The following LCK variants were observed in gnomAD, a reference collection of about 807,000 sequenced individuals.
LCK encodes the protein LCK proto-oncogene, Src family tyrosine kinase, also known as tyrosine-protein kinase Lck.
Under a neutral mutation model 64.6 loss-of-function variants are expected in LCK, and 14 were observed. The observed-to-expected ratio is 0.22, with a 90% CI of 0.14 to 0.34. The LOEUF (loss-of-function observed/expected upper bound fraction) is 0.34. Among genes scored for constraint, LCK ranks in the 10% least tolerant of loss-of-function variants. The pLI, the probability that LCK is intolerant of heterozygous loss-of-function variation, is 1.00. For synonymous variants in LCK, 277 were observed against 263.6 expected (o/e 1.05, Z -0.49); for missense variants, 434 against 668.1 (o/e 0.65, Z 3.86).
chr1:32,268,935 C>T (rs556509247), intron 1 of LCK, among the ~76,000 whole-genome samples: 23 of 148,650 alleles, frequency 1.5e-4, no homozygotes, highest in Admixed American at 6.7e-4. Flanking sequence ...GCCTGGCCAA[C>T]GTGGCAAAAC....
At chr1:32,285,089 G>A (rs374888350) in intron 12 of LCK, among the ~76,000 whole-genome samples, 24 of 152,096 alleles carry the variant, frequency 1.6e-4, no homozygotes, top group East Asian at 5.8e-4. Flanking sequence ...GATCACCTGA[G>A]GTCAGGAGTT....
At chr1:32,263,401 TAAAATAAATAAA>T (rs1639831416) in intron 1 of LCK, among the ~76,000 whole-genome samples, 4 of 124,480 alleles carry the variant, frequency 3.2e-5, no homozygotes, top group African/African-American at 1.3e-4. Context: ...TCAAAATAAA[TAAAATAAATAAA>T]TAAATAAATA....
chr1:32,285,802 C>T lies in LCK; in HGVS notation c.*86C>T. On this transcript the variant is annotated 3_prime_UTR_variant, in exon 13 of 13. Coordinates refer to ENST00000336890, the MANE Select transcript of LCK (RefSeq NM_005356.5). ...AGTTCTTGTGCCATAGTCACATGGC[C>T]TATGCACATATGGACTCTGCACATG... 5 of 1,375,348 alleles carry T rather than the reference C, an allele frequency of 3.6e-6. No individual in the cohort carries two copies. The highest frequency in any genetic ancestry group is 5.0e-6 in the Non-Finnish European group (5 of 993,792). The allele number at this position is 1,375,348 out of a possible 1,614,324, so 85.2% of individuals were successfully genotyped here.
chr1:32,260,014 AT>A (rs796984375), intron 1 of LCK, among the ~76,000 whole-genome samples: 1,729 of 148,798 alleles, frequency 0.012, 43 homozygotes, highest in African/African-American at 0.039. Context: ...TAAATGATTC[AT>A]TTTTTTTTAA....
At chr1:32,268,272 G>A (rs556333672) in intron 1 of LCK, among the ~76,000 whole-genome samples, 1 of 151,994 alleles carries the variant, frequency 6.6e-6, no homozygotes, top group African/African-American at 2.4e-5. Context: ...CAGTATGTTG[G>A]GCTTCTTTTC....
chr1:32,276,057 T>C lies in LCK; in HGVS notation c.625T>C (p.Tyr209His). 1 of 1,614,016 alleles carries C rather than the reference T, an allele frequency of 6.2e-7. No individual in the cohort carries two copies. The highest frequency in any genetic ancestry group is 8.5e-7 in the Non-Finnish European group (1 of 1,179,978). Reference protein sequence around the residue: ...FPGLHELVRHYTNASDGLCTR... With the variant: ...FPGLHELVRHHTNASDGLCTR... ...CGGCCTGCATGAACTGGTCCGCCAT[T>C]ACACCAGTGAGCCCGACGGGACCCC... The change falls in exon 7 of 13, where the codon TAC becomes CAC. Residue 209 changes from tyrosine (Y) to histidine (H), a missense_variant. Tyr to His is a moderately conservative substitution (Grantham distance 83). This residue lies in a region of LCK where 233 missense variants were observed against 291.2 expected (regional missense o/e 0.80). Coordinates refer to ENST00000336890, the MANE Select transcript of LCK (RefSeq NM_005356.5). This position sits in a 1 kb window ranked among gnomAD's most constrained non-coding sequence, Gnocchi z 4.6.
intron 1 of LCK, among the ~76,000 whole-genome samples, chr1:32,252,872 T>A (rs1639541843): frequency 6.6e-6 from 1 of 152,146 alleles, no homozygotes; most frequent in Non-Finnish European, 1.5e-5. Context: ...AAGGTCACTA[T>A]CCCTGGATTC....
chr1:32,270,250 C>CTTT lies in LCK; in HGVS notation c.-5-4056_-5-4054dup, dbSNP rs1195979098. ...TTCTCCAGCCACCATGCCCAGCTAA[C>CTTT]TTTTTTTTTTTTTTTTTTTTTGTAT... On this transcript the variant is annotated intron_variant, in intron 1 of 12. Coordinates refer to ENST00000336890, the MANE Select transcript of LCK (RefSeq NM_005356.5). Among the ~76,000 whole-genome samples, 471 of 126,640 alleles carry CTTT rather than the reference C, an allele frequency of 3.7e-3. 6 individuals carry two copies. Among genetic ancestry groups the CTTT allele is most frequent in the African/African-American group, 0.014 (455 of 32,514 alleles). The allele number at this position is 126,640 out of a possible 152,430, so 83.1% of individuals were successfully genotyped here.
intron 1 of LCK, chr1:32,269,437 GT>G (rs374362229): frequency 1.3e-4 from 19 of 149,954 alleles, no homozygotes; most frequent in Admixed American, 1.1e-3. Flanking sequence ...GATTCTGTCT[GT>G]TTTTTTTTCT....
At chr1:32,255,625 A>T (rs961160462) in intron 1 of LCK, among the ~76,000 whole-genome samples, 1 of 152,140 alleles carries the variant, frequency 6.6e-6, no homozygotes, top group African/African-American at 2.4e-5. Flanking sequence ...ATTATTGATC[A>T]GTGAGCTAAC....
At position 32,275,854 on chromosome 1, in the gene LCK, G is replaced by T. The variant is rs1298199365; in HGVS notation, c.482-60G>T. On this transcript the variant is annotated intron_variant, in intron 6 of 12. Transcript: ENST00000336890. This position sits in a 1 kb window ranked among gnomAD's most constrained non-coding sequence, Gnocchi z 6.9. ...CTGGGTGAGCCCAAGGTGGGGGCGC[G>T]GTGGCGGGCCAGACTCACTGCGTTC... The T allele has an allele frequency of 1.8e-5, 28 of 1,594,500 alleles. No individual in the cohort carries two copies. The highest frequency in any genetic ancestry group is 2.3e-5 in the Non-Finnish European group (27 of 1,168,592).
At chr1:32,263,179 G>C (rs1639824502) in intron 1 of LCK, among the ~76,000 whole-genome samples, 4 of 151,824 alleles carry the variant, frequency 2.6e-5, no homozygotes, top group African/African-American at 9.7e-5. Flanking sequence ...GCCACTTGAG[G>C]TTGGGAGTTC....
At chr1:32,278,040 A>G (rs1345599595) in intron 9 of LCK, among the ~76,000 whole-genome samples, 1 of 152,108 alleles carries the variant, frequency 6.6e-6, no homozygotes, top group Non-Finnish European at 1.5e-5. Context: ...TTAGCTGGGC[A>G]TAGTGGTGTA....
At chr1:32,252,611 A>G (rs1032101348) in intron 1 of LCK, among the ~76,000 whole-genome samples, 5 of 152,138 alleles carry the variant, frequency 3.3e-5, no homozygotes, top group Admixed American at 1.3e-4. Flanking sequence ...CTGGACAGGC[A>G]TGAGCAGTTC....
chr1:32,259,970 A>C (rs1016396504), intron 1 of LCK, among the ~76,000 whole-genome samples: 12 of 152,032 alleles, frequency 7.9e-5, no homozygotes, highest in South Asian at 6.2e-4. Flanking sequence ...TCATTAATCA[A>C]GTCTGGGTCG....
chr1:32,259,463 T>C (rs1639711638), intron 1 of LCK, among the ~76,000 whole-genome samples: 2 of 151,478 alleles, frequency 1.3e-5, no homozygotes, highest in African/African-American at 4.9e-5. Context: ...CTACTAAAAA[T>C]ACAAACATTA....
intron 1 of LCK, among the ~76,000 whole-genome samples, chr1:32,272,623 AAGAGAGAG>A (rs145594259): frequency 1.6e-5 from 2 of 123,104 alleles, no homozygotes; most frequent in Admixed American, 7.8e-5. Context: ...GAGAGAGAGA[AAGAGAGAG>A]AGAGAGAGAG....
chr1:32,258,507 C>T (rs1462265440), intron 1 of LCK, among the ~76,000 whole-genome samples: 3 of 148,354 alleles, frequency 2.0e-5, no homozygotes, highest in South Asian at 2.1e-4. Context: ...CCAGGCTGGG[C>T]GCAGTGGCTC....
chr1:32,276,146 A>C lies in LCK; in HGVS notation c.631+83A>C. On this transcript the variant is annotated intron_variant, in intron 7 of 12. Coordinates refer to ENST00000336890, the MANE Select transcript of LCK (RefSeq NM_005356.5). This position sits in a 1 kb window ranked among gnomAD's most constrained non-coding sequence, Gnocchi z 4.6. ...CTCAGGTGTCCCCCATCCATCTTTC[A>C]ATGCCCTACTCCATTCCCCGCAGTG... The C allele has an allele frequency of 6.5e-7, 1 of 1,537,248 alleles. No individual in the cohort carries two copies. The highest frequency in any genetic ancestry group is 8.9e-7 in the Non-Finnish European group (1 of 1,120,280).
Sources: allele counts gnomAD v4.1 joint callset (sites outside exome capture counted in the v4.1 genomes callset), GRCh38; gene constraint gnomAD v4.1.1; regional missense constraint gnomAD v4.1.1; non-coding constraint Gnocchi (gnomAD v3.1); transcripts MANE v1.5; gene names NCBI Gene and HGNC (gene_info 2026-07-23, HGNC 2026-07-21).